Variants in PKHD1L1 observed in about 807,000 individuals in gnomAD.
PKHD1L1 encodes the protein PKHD1 like 1, also known as fibrocystin-L.
PKHD1L1 carries 434 observed loss-of-function variants against 462.9 expected under a neutral mutation model. That is an observed-to-expected ratio of 0.94 (90% CI 0.87 to 1.02). The LOEUF is 1.02. Ranked by LOEUF, PKHD1L1 falls within the 50% of genes least tolerant of loss-of-function variation. The pLI is 0.00. For missense variants in PKHD1L1, 5,202 were observed against 5,096.1 expected (o/e 1.02, Z -0.63); for synonymous variants, 1,781 against 1,750.0 (o/e 1.02, Z -0.44).
At chr8:109,386,778 A>G (rs1812463290) in intron 6 of PKHD1L1, among the ~76,000 whole-genome samples, 1 of 152,156 alleles carries the variant, frequency 6.6e-6, no homozygotes, top group Non-Finnish European at 1.5e-5. Flanking sequence ...TTTCTAAGTC[A>G]TCCGTTCCCA....
intron 58 of PKHD1L1, 87 bp downstream of exon 58, chr8:109,485,260 A>G (rs577886517): frequency 2.1e-5 from 25 of 1,189,690 alleles, no homozygotes; most frequent in Non-Finnish European, 2.6e-5. Context: ...TTGATAAAAC[A>G]TGTCACAAAT....
chr8:109,498,734 G>A lies in PKHD1L1; in HGVS notation c.10791G>A (p.Met3597Ile). The change falls in exon 67 of 78, where the codon ATG becomes ATA. Residue 3597 changes from methionine (M) to isoleucine (I), a missense_variant. Around this residue, in one of 3 missense-constraint regions of PKHD1L1, gnomAD observed 4,497 missense variants for 4,336.8 expected, o/e 1.04. Transcript: ENST00000378402. ...CCCGAAAGCCCCATGCAGGAATCAT[G>A]AGTTACAATGCCATCAGTGGCCTTT... ...MAPRKPHAGI[M>I]SYNAISGLLD... is the part of the protein sequence containing the mutation. 2 of 1,613,894 alleles carry A rather than the reference G, an allele frequency of 1.2e-6. No individual in the cohort carries two copies. The highest frequency in any genetic ancestry group is 1.7e-6 in the Non-Finnish European group (2 of 1,179,850).
intron 27 of PKHD1L1, among the ~76,000 whole-genome samples, chr8:109,431,361 A>T (rs1815091321): frequency 6.6e-6 from 1 of 152,190 alleles, no homozygotes; most frequent in Non-Finnish European, 1.5e-5. Context: ...ACATTGTGTC[A>T]TATTTACTTC....
intron 50 of PKHD1L1, among the ~76,000 whole-genome samples, chr8:109,473,786 C>T (rs921427887): frequency 1.1e-4 from 16 of 152,148 alleles, no homozygotes; most frequent in African/African-American, 3.4e-4. Context: ...GGCTTTGCTT[C>T]TCCCCAAGGG....
chr8:109,499,024 A>G, intron 67 of PKHD1L1: 3 of 433,678 alleles, frequency 6.9e-6, no homozygotes, highest in Non-Finnish European at 1.2e-5. Context: ...GGCATTTGTG[A>G]TTTAATATTA....
intron 49 of PKHD1L1, 107 bp from the exon 50 acceptor site, chr8:109,466,471 T>G (rs1817443740): frequency 7.8e-6 from 9 of 1,157,014 alleles, no homozygotes. Context: ...TACCCAGACT[T>G]TTAGACTGTA....
chr8:109,419,363 A>T, intron 22 of PKHD1L1, 103 bp downstream of exon 22: 1 of 825,618 alleles, frequency 1.2e-6, no homozygotes. Flanking sequence ...ATTAATATCT[A>T]AATATTAATG....
chr8:109,515,124 A>C (rs1317441052), intron 71 of PKHD1L1, 46 bp from the exon 72 acceptor site: 3 of 1,387,052 alleles, frequency 2.2e-6, no homozygotes, highest in Non-Finnish European at 2.9e-6. Flanking sequence ...CTAAATTACA[A>C]ATATTCTATT....
At chr8:109,524,445 T>C (rs1820714199) in intron 76 of PKHD1L1, among the ~76,000 whole-genome samples, 1 of 152,164 alleles carries the variant, frequency 6.6e-6, no homozygotes, top group South Asian at 2.1e-4. Flanking sequence ...AATGGAATTT[T>C]TTTTTTATGG....
At chr8:109,377,483 A>T (rs1176872360) in intron 2 of PKHD1L1, among the ~76,000 whole-genome samples, 1 of 152,196 alleles carries the variant, frequency 6.6e-6, no homozygotes, top group African/African-American at 2.4e-5. Flanking sequence ...GTGCAAAAGA[A>T]AAATTTTCAT....
chr8:109,431,218 A>C (rs1169579471), intron 27 of PKHD1L1, among the ~76,000 whole-genome samples: 3 of 152,030 alleles, frequency 2.0e-5, no homozygotes, highest in Admixed American at 1.3e-4. Flanking sequence ...TTCCTGAAAA[A>C]CTATTTCTTA....
At chr8:109,431,001 T>G (rs1489187260) in intron 27 of PKHD1L1, among the ~76,000 whole-genome samples, 1 of 151,378 alleles carries the variant, frequency 6.6e-6, no homozygotes, top group Non-Finnish European at 1.5e-5. Context: ...GACTGAGTCT[T>G]GCTGTCACCA....
intron 2 of PKHD1L1, among the ~76,000 whole-genome samples, chr8:109,378,150 G>T (rs1325128760): frequency 6.6e-6 from 1 of 152,138 alleles, no homozygotes; most frequent in Admixed American, 6.6e-5. Flanking sequence ...TCCAAAAAAT[G>T]TTAGCAATAT....
At chr8:109,459,567 TA>T (rs5893958) in intron 46 of PKHD1L1, 27 bp from the exon 47 acceptor site, 773,302 of 1,467,334 alleles carry the variant, frequency 0.53, 206,745 homozygotes, top group South Asian at 0.68. Flanking sequence ...ATATTAATTT[TA>T]AAATTTTTTT....
chr8:109,508,235 T>G lies in PKHD1L1; in HGVS notation c.11366T>G (p.Met3789Arg). The G allele has an allele frequency of 1.2e-5, 19 of 1,611,326 alleles. No homozygotes were observed. The highest frequency in any genetic ancestry group is 1.4e-5 in the Non-Finnish European group (17 of 1,178,920). The change falls in exon 70 of 78, where the codon ATG (methionine) becomes AGG (arginine). Residue 3789 changes from methionine to arginine, a missense_variant. Physicochemically the swap from Met to Arg is moderately conservative, Grantham distance 91 (BLOSUM62 -1). Coordinates refer to ENST00000378402, the MANE Select transcript of PKHD1L1 (RefSeq NM_177531.6). ...ETRRLSPVAI[M>R]GNGYVDLING... is the part of the protein sequence containing the mutation. Reference sequence around the variant, plus strand: ...CGAAGACTTTCCCCAGTGGCTATAATGGGCAACGGTTATGTTGATCTTATT... The same window carrying G: ...CGAAGACTTTCCCCAGTGGCTATAAGGGGCAACGGTTATGTTGATCTTATT...
chr8:109,519,304 T>G (rs943275973), intron 73 of PKHD1L1, among the ~76,000 whole-genome samples: 1 of 152,088 alleles, frequency 6.6e-6, no homozygotes, highest in African/African-American at 2.4e-5. Flanking sequence ...TTAGGGTCAC[T>G]CAGTTTGGGC....
Position 109,433,114 on chromosome 8 carries a change from G to A in PKHD1L1, c.3238G>A (p.Glu1080Lys). 6.2e-7 allele frequency: 1 copy of A among 1,609,918 alleles called. No homozygotes were observed. The highest frequency in any genetic ancestry group is 8.5e-7 in the Non-Finnish European group (1 of 1,177,520). Residue 1080 changes from glutamate to lysine, a missense_variant, in exon 28 of 78, where the codon GAA (glutamate) becomes AAA (lysine). This residue lies in a region of PKHD1L1 where 4,497 missense variants were observed against 4,336.8 expected (regional missense o/e 1.04). Transcript: ENST00000378402. Reference sequence around the variant, plus strand: ...AAATTGATCATTTTTAGGGTCCTATGAAGAAGGCACAATTCTAACCATAGT... The same window carrying A: ...AAATTGATCATTTTTAGGGTCCTATAAAGAAGGCACAATTCTAACCATAGT... ...LAISPSQGSY[E>K]EGTILTIVGS...
chr8:109,470,336 G>A, intron 50 of PKHD1L1: 1 of 1,524,196 alleles, frequency 6.6e-7, no homozygotes, highest in Non-Finnish European at 9.1e-7. Context: ...TTAGTTTGGA[G>A]AGAGAGTGAA....
At chr8:109,365,348 T>A (rs1811177002) in intron 2 of PKHD1L1, among the ~76,000 whole-genome samples, 1 of 152,180 alleles carries the variant, frequency 6.6e-6, no homozygotes, top group African/African-American at 2.4e-5. Flanking sequence ...CTTTAAGAAA[T>A]GAAAAGTTTT....
Sources: allele counts gnomAD v4.1 joint callset (sites outside exome capture counted in the v4.1 genomes callset), GRCh38; gene constraint gnomAD v4.1.1; regional missense constraint gnomAD v4.1.1; transcripts MANE v1.5; gene names NCBI Gene and HGNC (gene_info 2026-07-23, HGNC 2026-07-21).